The following MYH4 variants were observed in gnomAD, a reference collection of about 807,000 sequenced individuals.
MYH4 encodes the protein myosin-4.
A neutral mutation model predicts 229.9 loss-of-function variants in MYH4; 200 were observed. The ratio of observed to expected loss-of-function variants is 0.87; its 90% CI spans 0.78 to 0.98. The LOEUF is 0.98. MYH4 is among the 50% of genes least tolerant of loss of function. MYH4 has a pLI of 0.00. For missense variants in MYH4, 2,148 were observed against 2,332.6 expected, an observed-to-expected ratio of 0.92 and a Z score of 1.63; for synonymous variants, 761 against 834.6, an observed-to-expected ratio of 0.91 and a Z score of 1.52.
intron 12 of MYH4, 97 bp from the exon 13 acceptor site, chr17:10,460,418 T>G: frequency 4.0e-6 from 4 of 988,134 alleles, no homozygotes; most frequent in Non-Finnish European, 6.1e-6. Context: ...ACTCAAAAAG[T>G]AAGATGTGCA....
Position 10,463,406 on chromosome 17 carries a change from A to G in MYH4, c.742-5T>C. On this transcript the variant is annotated splice_region_variant and splice_polypyrimidine_tract_variant and intron_variant, in intron 8 of 39. Coordinates refer to ENST00000255381, the MANE Select transcript of MYH4 (RefSeq NM_017533.2). ...ATGGATCCTGATGAATTTACCCTTA[A>G]AAAAGAAAAGGAGGGATTATTATAC... 1 of 1,611,832 alleles carries G rather than the reference A, an allele frequency of 6.2e-7. No homozygotes were observed.
rs147568776 is a variant in MYH4 at position 10,456,344 on chromosome 17, C to T, written c.1968+141G>A. 3.6e-3 allele frequency: 2,369 copies of T among 661,940 alleles called. 49 individuals carry two copies. In the African/African-American group the frequency reaches 0.039, roughly 11 times the overall value. 41.0% of individuals were successfully genotyped at this position (661,940 alleles called of 1,614,324 possible). A position where few individuals can be genotyped will look rare whatever the true frequency, so the allele number is the denominator to read the frequency against. The stretch of plus-strand genomic sequence containing the variant: ...TTTCCTAAGCCATTTAAAAAGTTTA[C>T]AAAACCTTTAGTAGTATACTAAAAA... On this transcript the variant is annotated intron_variant, in intron 17 of 39. Coordinates refer to ENST00000255381, the MANE Select transcript of MYH4 (RefSeq NM_017533.2).
chr17:10,468,438 T>G (rs937827391), intron 2 of MYH4, among the ~76,000 whole-genome samples: 1 of 152,244 alleles, frequency 6.6e-6, no homozygotes, highest in Admixed American at 6.5e-5. Flanking sequence ...CATTTCCACA[T>G]GAACAGTGTT....
chr17:10,452,534 T>C, intron 25 of MYH4, 28 bp from the exon 26 acceptor site: 1 of 1,597,414 alleles, frequency 6.3e-7, no homozygotes, highest in Non-Finnish European at 8.6e-7. Context: ...CATTAGCTTA[T>C]AATCACTTCT....
In MYH4 at chr17:10,453,206, G is replaced by A. The variant is rs1362801931; in HGVS notation, c.3057C>T (p.Asp1019=). The A allele has an allele frequency of 1.2e-6, 2 of 1,613,874 alleles. No individual in the cohort carries two copies. The highest frequency in any genetic ancestry group is 2.7e-5 in the African/African-American group (2 of 74,848). Residue 1019 remains aspartate, a synonymous_variant, in exon 24 of 40, where the codon GAC becomes GAT. Coordinates refer to ENST00000255381, the MANE Select transcript of MYH4 (RefSeq NM_017533.2). ...QTLDDLQMEE[D]KVNTLTKAKT... is the part of the protein sequence containing the mutation. ...TAGCTTTGGTCAGGGTGTTGACTTT[G>A]TCCTCCTCCATCTGCAGGTCATCCA...
chr17:10,450,299 TAAG>T (rs1281718846), intron 30 of MYH4, among the ~76,000 whole-genome samples, 151 bp downstream of exon 30: 1 of 152,198 alleles, frequency 6.6e-6, no homozygotes, highest in African/African-American at 2.4e-5. Flanking sequence ...CACTGGGCTT[TAAG>T]AAGAAGAATA....
At chr17:10,455,496 T>C in intron 19 of MYH4, 118 bp downstream of exon 19, 2 of 1,414,412 alleles carry the variant, frequency 1.4e-6, no homozygotes, top group Non-Finnish European at 1.9e-6. Context: ...CTTTCTTTTA[T>C]GATCAATTTT....
intron 16 of MYH4, among the ~76,000 whole-genome samples, chr17:10,456,984 GCCTGTGCTTC>G (rs1267579948): frequency 6.6e-6 from 1 of 152,248 alleles, no homozygotes; most frequent in Non-Finnish European, 1.5e-5. Flanking sequence ...GCTCCCATTT[GCCTGTGCTTC>G]CATGGTGTTA....
At position 10,451,429 on chromosome 17, in the gene MYH4, G is replaced by A. The variant is rs776527449; in HGVS notation, c.3762C>T (p.Arg1254=). 2 of 1,613,526 alleles carry A rather than the reference G, an allele frequency of 1.2e-6. No homozygotes were observed. The highest frequency in any genetic ancestry group is 1.7e-6 in the Non-Finnish European group (2 of 1,179,850). Residue 1254 remains arginine (R), a synonymous_variant, in exon 28 of 40, where the codon CGC becomes CGT. Coordinates refer to ENST00000255381, the MANE Select transcript of MYH4 (RefSeq NM_017533.2). ...TTTCACTAAGCTGGTCCTCTAGGGT[G>A]CGGCACATTTTCTCAAAGTTTGCCT... is the stretch of plus-strand genomic sequence containing the variant. ...KAKANFEKMC[R]TLEDQLSEIK...
Position 10,453,474 on chromosome 17 carries a change from A to G in MYH4, c.2935-146T>C, listed in dbSNP as rs1422147706. On this transcript the variant is annotated intron_variant, in intron 23 of 39. Transcript: ENST00000255381. ...ACCCAGGCCTATAATGGCTGAAAAA[A>G]TAGGAGGTAAAGGTCAAGTAAGTAC... The G allele has an allele frequency of 1.7e-5, 26 of 1,549,702 alleles. No individual in the cohort carries two copies. The Admixed American group carries it at 4.9e-4, about 29-fold the overall frequency.
At chr17:10,464,733 T>C in intron 5 of MYH4, 25 bp from the exon 6 acceptor site, 4 of 1,610,022 alleles carry the variant, frequency 2.5e-6, no homozygotes, top group Non-Finnish European at 3.4e-6. Context: ...CCAAAGATAA[T>C]ATTTAGAAAA....
chr17:10,457,268 C>T (rs550102123), intron 16 of MYH4, 152 bp downstream of exon 16: 1 of 851,340 alleles, frequency 1.2e-6, no homozygotes, highest in South Asian at 2.4e-5. Context: ...GACTGTAAGA[C>T]TGTATCACAG....
At chr17:10,468,787 C>G (rs1370044534) in intron 2 of MYH4, among the ~76,000 whole-genome samples, 1 of 152,192 alleles carries the variant, frequency 6.6e-6, no homozygotes, top group Non-Finnish European at 1.5e-5. Context: ...CATTCAGTGT[C>G]ATAGTGGTGG....
At position 10,465,590 on chromosome 17, in the gene MYH4, C is replaced by G. The variant is rs1387866405; in HGVS notation, c.357G>C (p.Ser119=). The G allele has an allele frequency of 3.1e-6, 5 of 1,613,882 alleles. No homozygotes were observed. The highest frequency in any genetic ancestry group is 1.3e-5 in the African/African-American group (1 of 74,872). Residue 119 remains serine (S), a synonymous_variant, in exon 5 of 40, where the codon TCG becomes TCC. Coordinates refer to ENST00000255381, the MANE Select transcript of MYH4 (RefSeq NM_017533.2). ...GGTTGACGGTGACACAGAAGAGGCC[C>G]GAGTAGGTCTGTGGGAAAGGACGGG... The part of the protein sequence containing the change: ...RYAAWMIYTY[S]GLFCVTVNPY...
At chr17:10,448,159 A>C in intron 33 of MYH4, 33 bp from the exon 34 acceptor site, 2 of 1,554,282 alleles carry the variant, frequency 1.3e-6, no homozygotes, top group Non-Finnish European at 1.7e-6. Flanking sequence ...TAGGTTACCT[A>C]AAGAGCTTTT....
intron 33 of MYH4, 26 bp downstream of exon 33, chr17:10,448,370 C>G (rs1350295796): frequency 1.3e-6 from 2 of 1,597,418 alleles, no homozygotes; most frequent in East Asian, 2.2e-5. Context: ...ATTTATAATG[C>G]AGAGCTAAGC....
rs758299922 is a variant in MYH4, at chr17:10,446,991, A to G, written c.5169+22T>C. 6 of 1,606,922 alleles carry G rather than the reference A, an allele frequency of 3.7e-6. No individual in the cohort carries two copies. The African/African-American group carries it at 5.4e-5, about 14-fold the overall frequency. On this transcript the variant is annotated intron_variant, in intron 35 of 39. Transcript: ENST00000255381. ...TTCAGCTTCAGGGAGTACATTTTCT[A>G]AACCATAGTCTTGAACCTCACCTGA...
chr17:10,453,183 G>T lies in MYH4; in HGVS notation c.3080C>A (p.Ala1027Asp). Residue 1027 changes from alanine to aspartate, a missense_variant, in exon 24 of 40, where the codon GCT (alanine) becomes GAT (aspartate). Ala to Asp is a moderately radical substitution (Grantham distance 126, BLOSUM62 -2). Transcript: ENST00000255381. ...CACTTGCTGTTCTAGCTTGGTTTTA[G>T]CTTTGGTCAGGGTGTTGACTTTGTC... ...EEDKVNTLTK[A>D]KTKLEQQVDD... The T allele has an allele frequency of 6.2e-7, 1 of 1,614,036 alleles. No individual in the cohort carries two copies. Among genetic ancestry groups the T allele is most frequent in the Non-Finnish European group, 8.5e-7 (1 of 1,180,014 alleles).
Position 10,457,691 on chromosome 17 carries a change from C to T in MYH4, c.1626G>A (p.Met542Ile), listed in dbSNP as rs2072657586. 1.9e-6 allele frequency: 3 copies of T among 1,614,104 alleles called. No homozygotes were observed. The highest frequency in any genetic ancestry group is 2.7e-5 in the African/African-American group (2 of 75,036). ...AGGAGGTGTCTGTTGCCTTGGGGAA[C>T]ATGCACTCCTCTTCTAGGATGGAGA... The part of the protein sequence containing the change: ...GIFSILEEEC[M>I]FPKATDTSFK... Residue 542 changes from methionine to isoleucine, a missense_variant, in exon 16 of 40, where the codon ATG becomes ATA. Physicochemically the swap from Met to Ile is conservative, Grantham distance 10 (BLOSUM62 1). Coordinates refer to ENST00000255381, the MANE Select transcript of MYH4 (RefSeq NM_017533.2).
Sources: allele counts gnomAD v4.1 joint callset (sites outside exome capture counted in the v4.1 genomes callset), GRCh38; gene constraint gnomAD v4.1.1; transcripts MANE v1.5; gene names NCBI Gene and HGNC (gene_info 2026-07-23, HGNC 2026-07-21).